The following PCDHGA7 variants were observed in gnomAD, a reference collection of about 807,000 sequenced individuals.
PCDHGA7 encodes protocadherin gamma subfamily A, 7.
Under a neutral mutation model 58.3 loss-of-function variants are expected in PCDHGA7, and 44 were observed. The observed-to-expected ratio is 0.75, with a 90% CI of 0.59 to 0.97. The LOEUF is 0.97. Among genes scored for constraint, PCDHGA7 ranks in the 50% least tolerant of loss-of-function variants. The pLI, the probability that PCDHGA7 is intolerant of heterozygous loss-of-function variation, is 0.00. For synonymous variants in PCDHGA7, 516 were observed against 504.2 expected, an observed-to-expected ratio of 1.02 and a Z score of -0.31; for missense variants, 1,266 against 1,188.7, an observed-to-expected ratio of 1.06 and a Z score of -0.96.
intron 1 of PCDHGA7, chr5:141,388,717 C>T (rs544297444): frequency 2.5e-6 from 4 of 1,614,022 alleles, no homozygotes; most frequent in Non-Finnish European, 3.4e-6. Context: ...GCCGAGATTA[C>T]TTTCTCTTTC....
At position 141,405,308 on chromosome 5, in the gene PCDHGA7, GA is replaced by G. The variant is rs776065617; in HGVS notation, c.2424+19986del. 15 of 1,614,096 alleles carry G rather than the reference GA, an allele frequency of 9.3e-6. No individual in the cohort carries two copies. The African/African-American group carries it at 1.9e-4, about 20-fold the overall frequency. On this transcript the variant is annotated intron_variant, in intron 1 of 3. Transcript: ENST00000518325. The stretch of plus-strand genomic sequence containing the variant: ...CACACTCATCAGCCAGCAGAGCTGT[GA>G]GAAAAATGAGCCTTTGTGCGTCTCT...
chr5:141,404,029 C>T (rs1363448), intron 1 of PCDHGA7: 736,203 of 1,612,620 alleles, frequency 0.46, 175,243 homozygotes, highest in African/African-American at 0.8. Flanking sequence ...TGAGAGAAGA[C>T]GCACCTCAGG....
Sources: allele counts gnomAD v4.1 joint callset, GRCh38; gene constraint gnomAD v4.1.1; transcripts MANE v1.5; gene names NCBI Gene and HGNC (gene_info 2026-07-23, HGNC 2026-07-21).